The following LRRC17 variants were observed in gnomAD, a reference collection of about 807,000 sequenced individuals.
LRRC17 encodes the protein leucine rich repeat containing 17, also known as leucine-rich repeat-containing protein 17.
In LRRC17, 33 loss-of-function variants were observed where a neutral mutation model predicts 41.5. The ratio of observed to expected loss-of-function variants is 0.80; its 90% CI spans 0.60 to 1.06. The LOEUF is 1.06. Ranked by LOEUF, LRRC17 falls within the 50% of genes least tolerant of loss-of-function variation. The pLI, the probability that LRRC17 is intolerant of heterozygous loss-of-function variation, is 0.00. For synonymous variants in LRRC17, 192 were observed against 197.0 expected, an observed-to-expected ratio of 0.97 and a Z score of 0.21; for missense variants, 491 against 519.3, an observed-to-expected ratio of 0.95 and a Z score of 0.53.
rs866494574 is a variant in LRRC17, at chr7:102,931,996, T to C, written c.-140-1778T>C. On this transcript the variant is annotated intron_variant, in intron 1 of 3. Transcript: ENST00000339431. ...TGCAAATGTTTAAACAAAGTTTTTC[T>C]ATCTTACATTGAATGCAATGTATTC... The C allele has an allele frequency of 3.9e-5, 58 of 1,477,356 alleles. 1 individual carries two copies. In the South Asian group the frequency reaches 5.6e-4, roughly 14 times the overall value. 91.5% of individuals were successfully genotyped at this position (1,477,356 alleles called of 1,614,324 possible).
At chr7:102,917,433 G>A (rs949468062) in intron 1 of LRRC17, among the ~76,000 whole-genome samples, 2 of 152,130 alleles carry the variant, frequency 1.3e-5, no homozygotes, top group Non-Finnish European at 2.9e-5. Flanking sequence ...CATACTAGTT[G>A]ATCAATACAT....
At chr7:102,943,506 A>G (rs1181412998) in intron 3 of LRRC17, among the ~76,000 whole-genome samples, 1 of 152,184 alleles carries the variant, frequency 6.6e-6, no homozygotes, top group African/African-American at 2.4e-5. Context: ...CCTTCTATCA[A>G]TCCAGAAATT....
chr7:102,913,675 G>A (rs1815225243), intron 1 of LRRC17, among the ~76,000 whole-genome samples: 1 of 152,136 alleles, frequency 6.6e-6, no homozygotes, highest in South Asian at 2.1e-4. Flanking sequence ...AGGAGAGTGA[G>A]GATTTGGGAC....
chr7:102,934,439 T>G lies in LRRC17; in HGVS notation c.526T>G (p.Ser176Ala). ...TACTTGTGAGATAGAAACGCTTATTTCAATGTTGCAGATTCCCAGGAACCG... is the reference window on the plus strand; with the variant it reads ...TACTTGTGAGATAGAAACGCTTATTGCAATGTTGCAGATTCCCAGGAACCG... Reference protein sequence around the residue: ...HCTCEIETLISMLQIPRNRNL... With the variant: ...HCTCEIETLIAMLQIPRNRNL... The change falls in exon 2 of 4, where the codon TCA (serine) becomes GCA (alanine). Residue 176 changes from serine to alanine, a missense_variant. Physicochemically the swap from Ser to Ala is moderately conservative, Grantham distance 99. Transcript: ENST00000339431. 6.2e-7 allele frequency: 1 copy of G among 1,614,184 alleles called. No homozygotes were observed. Among genetic ancestry groups the G allele is most frequent in the Non-Finnish European group, 8.5e-7 (1 of 1,180,040 alleles).
At chr7:102,920,828 A>C (rs1816820100) in intron 1 of LRRC17, among the ~76,000 whole-genome samples, 1 of 152,224 alleles carries the variant, frequency 6.6e-6, no homozygotes, top group African/African-American at 2.4e-5. Context: ...GAACAAGCAA[A>C]AGAAAACAAA....
chr7:102,921,998 CT>C (rs1304269793), intron 1 of LRRC17, among the ~76,000 whole-genome samples: 2 of 152,118 alleles, frequency 1.3e-5, no homozygotes, highest in African/African-American at 2.4e-5. Context: ...TGAGACCAGC[CT>C]GGCTAACATG....
chr7:102,916,032 G>A (rs577698823), intron 1 of LRRC17, among the ~76,000 whole-genome samples: 1 of 151,388 alleles, frequency 6.6e-6, no homozygotes, highest in East Asian at 1.9e-4. Context: ...TACCCAGGCT[G>A]GAGTGCAATG....
chr7:102,913,718 A>G (rs1476060587), intron 1 of LRRC17, among the ~76,000 whole-genome samples: 1 of 152,266 alleles, frequency 6.6e-6, no homozygotes, highest in East Asian at 1.9e-4. Context: ...CATGCTCTTA[A>G]AATAGATCTG....
At position 102,944,396 on chromosome 7, in the gene LRRC17, A is replaced by AT. The variant is rs776469556; in HGVS notation, c.1119dup (p.Asn374Ter). 2 of 1,614,116 alleles carry AT rather than the reference A, an allele frequency of 1.2e-6. No homozygotes were observed. The highest frequency in any genetic ancestry group is 2.7e-5 in the African/African-American group (2 of 75,066). On this transcript the variant is annotated frameshift_variant, in exon 4 of 4. Coordinates refer to ENST00000339431, the MANE Select transcript of LRRC17 (RefSeq NM_001031692.3). LOFTEE classifies it high-confidence loss of function. ...TGGTTAAAGCACCACTACAATGTCC[A>AT]TTTTAATGGCCTGGAATGCAAAACG...
intron 1 of LRRC17, among the ~76,000 whole-genome samples, chr7:102,928,680 T>C (rs1818584844): frequency 6.6e-6 from 1 of 152,056 alleles, no homozygotes; most frequent in Non-Finnish European, 1.5e-5. Flanking sequence ...AACTGAAAAA[T>C]GATTAGTTTT....
intron 1 of LRRC17, among the ~76,000 whole-genome samples, chr7:102,919,170 C>T (rs1816504129): frequency 6.6e-6 from 1 of 152,196 alleles, no homozygotes; most frequent in African/African-American, 2.4e-5. Context: ...ATTTACACCA[C>T]AGAAATCAGT....
chr7:102,935,238 C>CTTTTT (rs1563116555), intron 2 of LRRC17, among the ~76,000 whole-genome samples: 2 of 84,472 alleles, frequency 2.4e-5, no homozygotes, highest in African/African-American at 9.3e-5. Context: ...TTTTTTTTTT[C>CTTTTT]TTTCTTTTTT....
intron 1 of LRRC17, among the ~76,000 whole-genome samples, chr7:102,923,316 T>C (rs957544180): frequency 6.6e-6 from 1 of 152,194 alleles, no homozygotes; most frequent in African/African-American, 2.4e-5. Context: ...CCCCGATTTG[T>C]AGTGTTTGAT....
At position 102,944,289 on chromosome 7, in the gene LRRC17, A is replaced by G. The variant is rs748072816; in HGVS notation, c.1008A>G (p.Leu336=). The change falls in exon 4 of 4, where the codon TTA becomes TTG. Residue 336 remains leucine (L), a synonymous_variant. Transcript: ENST00000339431. ...NSLQNFDYGV[L]EDLYFLKLLW... ...TGCAAAACTTTGACTATGGCGTATT[A>G]GAAGACTTGTATTTTTTGAAACTCT... is the stretch of plus-strand genomic sequence containing the variant. 1.9e-6 allele frequency: 3 copies of G among 1,614,006 alleles called. No homozygotes were observed. The highest frequency in any genetic ancestry group is 1.7e-6 in the Non-Finnish European group (2 of 1,179,912).
At chr7:102,931,587 G>A (rs1819185764) in intron 1 of LRRC17, among the ~76,000 whole-genome samples, 1 of 151,978 alleles carries the variant, frequency 6.6e-6, no homozygotes, top group African/African-American at 2.4e-5. Context: ...TGTCTACTGG[G>A]GCCCAATTTT....
Position 102,913,139 on chromosome 7 carries a change from A to G in LRRC17, c.-147A>G. 6.2e-7 allele frequency: 1 copy of G among 1,614,186 alleles called. No homozygotes were observed. The highest frequency in any genetic ancestry group is 1.1e-5 in the South Asian group (1 of 91,080). ...ATGAGCTTGTGGCATCCATTCCCCA[A>G]GTTCAGGTACTGTAAGCCTTTGTCT... On this transcript the variant is annotated 5_prime_UTR_variant, in exon 1 of 4. Coordinates refer to ENST00000339431, the MANE Select transcript of LRRC17 (RefSeq NM_001031692.3).
At chr7:102,917,517 C>T (rs893031094) in intron 1 of LRRC17, among the ~76,000 whole-genome samples, 3 of 151,986 alleles carry the variant, frequency 2.0e-5, no homozygotes, top group South Asian at 2.1e-4. Flanking sequence ...TGGTAGATGG[C>T]GAGACTTAAG....
chr7:102,934,024 A>G lies in LRRC17; in HGVS notation c.111A>G (p.Gly37=), dbSNP rs1164812645. ...GAGTGAATCATGGCCGGGCGGGTGG[A>G]GGCCGGAGAGGCTCCAACCCGGTCA... ...RSRVNHGRAG[G]GRRGSNPVKR... Residue 37 remains glycine (G), a synonymous_variant, in exon 2 of 4, where the codon GGA becomes GGG. Coordinates refer to ENST00000339431, the MANE Select transcript of LRRC17 (RefSeq NM_001031692.3). 1 of 1,614,092 alleles carries G rather than the reference A, an allele frequency of 6.2e-7. No homozygotes were observed. The highest frequency in any genetic ancestry group is 8.5e-7 in the Non-Finnish European group (1 of 1,179,934).
intron 1 of LRRC17, among the ~76,000 whole-genome samples, chr7:102,920,398 T>C (rs541625909): frequency 1.3e-5 from 2 of 152,118 alleles, no homozygotes; most frequent in Non-Finnish European, 2.9e-5. Flanking sequence ...GACAGGGTCT[T>C]ACTCTGTCAC....
Sources: gnomAD v4.1 joint callset for allele counts (sites outside exome capture counted in the v4.1 genomes callset) on GRCh38, gnomAD v4.1.1 for gene constraint, MANE v1.5 for transcripts, NCBI Gene and HGNC (gene_info 2026-07-23, HGNC 2026-07-21) for gene names.